JCAD: variants seen among roughly 807,000 people sequenced by gnomAD.
JCAD encodes the protein junctional cadherin 5-associated protein.
A neutral mutation model predicts 98.0 loss-of-function variants in JCAD; 40 were observed. That is an observed-to-expected ratio of 0.41 (90% confidence interval 0.32 to 0.53). The LOEUF (loss-of-function observed/expected upper bound fraction) is 0.53. Ranked by LOEUF, JCAD falls within the 20% of genes least tolerant of loss-of-function variation. JCAD has a pLI of 0.31. For missense variants in JCAD, 1,705 were observed against 1,738.1 expected, an observed-to-expected ratio of 0.98 and a Z score of 0.34; for synonymous variants, 691 against 682.3, an observed-to-expected ratio of 1.01 and a Z score of -0.20.
At chr10:30,025,740 T>C (rs1270705041) in intron 3 of JCAD, among the ~76,000 whole-genome samples, 1 of 151,366 alleles carries the variant, frequency 6.6e-6, no homozygotes. Context: ...AATTAAAAAA[T>C]TAGCTGGAAA....
At chr10:30,052,326 G>T (rs930236801) in intron 1 of JCAD, among the ~76,000 whole-genome samples, 1 of 152,210 alleles carries the variant, frequency 6.6e-6, no homozygotes, top group Non-Finnish European at 1.5e-5. Flanking sequence ...GGAGTAAAAT[G>T]AGAAGGCTGA....
chr10:30,028,998 C>T lies in JCAD; in HGVS notation c.1150G>A (p.Gly384Ser), dbSNP rs749970972. 9.3e-6 allele frequency: 15 copies of T among 1,613,780 alleles called. No individual in the cohort carries two copies. Among genetic ancestry groups the T allele is most frequent in the East Asian group, 2.2e-5 (1 of 44,888 alleles). ...QSPTEKAGAS[G>S]QPPSGPPGTG... ...CCAGGGGGGCCTGAAGGAGGCTGACCGCTGGCCCCAGCCTTCTCGGTCGGA... is the reference window on the plus strand; with the variant it reads ...CCAGGGGGGCCTGAAGGAGGCTGACTGCTGGCCCCAGCCTTCTCGGTCGGA... Residue 384 changes from glycine (G) to serine (S), a missense_variant, in exon 3 of 4, where the codon GGT becomes AGT. By Grantham distance (56) the Gly-to-Ser change is moderately conservative (BLOSUM62 0). Coordinates refer to ENST00000375377, the MANE Select transcript of JCAD (RefSeq NM_020848.4).
chr10:30,061,938 T>C (rs149956003), upstream of JCAD, among the ~76,000 whole-genome samples: 166 of 152,330 alleles, frequency 1.1e-3, 5 homozygotes, highest in African/African-American at 3.6e-3. Context: ...AGCCAAGTAT[T>C]CCTGCTAGAA....
intron 1 of JCAD, among the ~76,000 whole-genome samples, chr10:30,113,176 TC>T (rs1298319989): frequency 1.3e-5 from 2 of 151,796 alleles, no homozygotes; most frequent in African/African-American, 4.8e-5. Context: ...AATAGGAGGG[TC>T]AAAGAAAGCC....
In JCAD at chr10:30,055,164, A is replaced by G. The variant is rs574593098; in HGVS notation, c.-60+4318T>C. ...ATGTGCTGCTGAAGAAATCTAATAC[A>G]AGGTTACAACCAGCATTCTAAAAAG... On this transcript the variant is annotated intron_variant, in intron 1 of 3. Coordinates refer to ENST00000375377, the MANE Select transcript of JCAD (RefSeq NM_020848.4). Among the ~76,000 whole-genome samples, 4 of 152,290 alleles carry G rather than the reference A, an allele frequency of 2.6e-5. No individual in the cohort carries two copies. The South Asian group carries it at 6.2e-4, about 24-fold the overall frequency.
intron 2 of JCAD, among the ~76,000 whole-genome samples, chr10:30,065,547 G>C (rs533497841): frequency 6.6e-6 from 1 of 152,114 alleles, no homozygotes; most frequent in East Asian, 1.9e-4. Flanking sequence ...TGTCATTGAG[G>C]CTGGAGGGCA....
chr10:30,088,258 C>T (rs7069515), intron 1 of JCAD, among the ~76,000 whole-genome samples: 6,755 of 152,214 alleles, frequency 0.044, 388 homozygotes, highest in African/African-American at 0.14. Context: ...GATCCAGCTT[C>T]GAACTCCCAA....
intron 1 of JCAD, among the ~76,000 whole-genome samples, chr10:30,087,326 C>T (rs1838182636): frequency 6.6e-6 from 1 of 152,118 alleles, no homozygotes; most frequent in Non-Finnish European, 1.5e-5. Context: ...GTAATCCCAC[C>T]TACTCAGGAG....
intron 1 of JCAD, among the ~76,000 whole-genome samples, chr10:30,088,965 G>A (rs530092512): frequency 2.0e-5 from 3 of 152,266 alleles, no homozygotes; most frequent in East Asian, 1.9e-4. Context: ...GCGACAGAGC[G>A]AGATGCCATC....
At position 30,059,384 on chromosome 10, in the gene JCAD, G is replaced by A. The variant is rs1052555607; in HGVS notation, c.-60+98C>T. On this transcript the variant is annotated intron_variant, in intron 1 of 3. Transcript: ENST00000375377. This position sits in a 1 kb window ranked among gnomAD's most constrained non-coding sequence, Gnocchi z 5.0. ...GAGCGACGTCCCAGCTGGAGAAGTT[G>A]GGGGGAGTGCGGGAGGCTGCGGGTG... 1 of 151,652 alleles carries A rather than the reference G, an allele frequency of 6.6e-6. No individual in the cohort carries two copies. The highest frequency in any genetic ancestry group is 1.5e-5 in the Non-Finnish European group (1 of 68,020). 9.4% of individuals were successfully genotyped at this position (151,652 alleles called of 1,614,324 possible). A position where few individuals can be genotyped will look rare whatever the true frequency, so the allele number is the denominator to read the frequency against.
chr10:30,080,907 C>A (rs1838071080), intron 1 of JCAD, among the ~76,000 whole-genome samples: 1 of 152,240 alleles, frequency 6.6e-6, no homozygotes, highest in Non-Finnish European at 1.5e-5. Context: ...ATGTCTGCTA[C>A]CCAGATGGCC....
chr10:30,034,218 A>G (rs1041766143), intron 2 of JCAD, among the ~76,000 whole-genome samples: 4 of 150,230 alleles, frequency 2.7e-5, no homozygotes, highest in African/African-American at 1.0e-4. Flanking sequence ...GCAAGACTCC[A>G]TCTCAATAAT....
chr10:30,029,971 T>C, intron 2 of JCAD, 105 bp from the exon 3 acceptor site: 1 of 1,319,026 alleles, frequency 7.6e-7, no homozygotes, highest in Non-Finnish European at 1.0e-6. Flanking sequence ...CTTTGAAAAC[T>C]TGGTTCCCAG....
At chr10:30,102,335 C>T (rs1838486532) in intron 1 of JCAD, among the ~76,000 whole-genome samples, 1 of 151,914 alleles carries the variant, frequency 6.6e-6, no homozygotes. Flanking sequence ...CCATGTCCGG[C>T]TAATTTTTGT....
chr10:30,099,051 C>T (rs972377063), intron 1 of JCAD, among the ~76,000 whole-genome samples: 35 of 152,252 alleles, frequency 2.3e-4, no homozygotes, highest in Admixed American at 4.6e-4. Flanking sequence ...TTTTGAAATT[C>T]GTAGTTTATC....
Position 30,026,744 on chromosome 10 carries a change from G to A in JCAD, c.3404C>T (p.Ala1135Val). 1 of 1,614,160 alleles carries A rather than the reference G, an allele frequency of 6.2e-7. No individual in the cohort carries two copies. The highest frequency in any genetic ancestry group is 8.5e-7 in the Non-Finnish European group (1 of 1,180,022). The part of the protein sequence containing the change: ...QEELLSRPAP[A>V]DVPRVSTDAF... ...ATCAGTGGACACCCTGGGGACATCT[G>A]CCGGTGCTGGGCGAGATAGCAACTC... is the stretch of plus-strand genomic sequence containing the variant. The change falls in exon 3 of 4, where the codon GCA becomes GTA. Residue 1135 changes from alanine to valine, a missense_variant. By Grantham distance (64) the Ala-to-Val change is moderately conservative (BLOSUM62 0). This residue lies in a region of JCAD where 1,278 missense variants were observed against 1,243.1 expected (regional missense o/e 1.03). Transcript: ENST00000375377.
rs1837212849 is a variant in JCAD at position 30,040,198 on chromosome 10, ACTGTCATCACAAGACGCTG to A, written c.281+7315_281+7333del. On this transcript the variant is annotated intron_variant, in intron 2 of 3. Transcript: ENST00000375377. ...ATGCCAGGAAAGAGTGACGTAGCTG[ACTGTCATCACAAGACGCTG>A]CTCCTCCTGGGGATGGCTGGTCTCT... Among the ~76,000 whole-genome samples, 3 of 152,240 alleles carry A rather than the reference ACTGTCATCACAAGACGCTG, an allele frequency of 2.0e-5. No homozygotes were observed. In the South Asian group the frequency reaches 6.2e-4, roughly 32 times the overall value.
intron 1 of JCAD, among the ~76,000 whole-genome samples, chr10:30,049,220 G>A (rs1485605053): frequency 6.6e-6 from 1 of 152,148 alleles, no homozygotes; most frequent in Non-Finnish European, 1.5e-5. Context: ...CTGGGTGAGA[G>A]ACACACAAAA....
In JCAD at chr10:30,029,776, C is replaced by T. The variant is rs41284752; in HGVS notation, c.372G>A (p.Arg124=). The change falls in exon 3 of 4, where the codon AGG becomes AGA. Residue 124 remains arginine (R), a synonymous_variant. Transcript: ENST00000375377. ...AYRRRGRQEA[R]SQKPREHENL... Reference sequence around the variant, plus strand: ...TTTCGTGCTCCCTCGGCTTCTGGCTCCTGGCTTCTTGCCGTCCTCTTCTCC... The same window carrying T: ...TTTCGTGCTCCCTCGGCTTCTGGCTTCTGGCTTCTTGCCGTCCTCTTCTCC... 11,932 of 1,614,260 alleles carry T rather than the reference C, an allele frequency of 7.4e-3. 76 individuals are homozygous for T. Among genetic ancestry groups the T allele is most frequent in the Middle Eastern group, 0.011 (68 of 6,062 alleles).
Sources: allele counts gnomAD v4.1 joint callset (sites outside exome capture counted in the v4.1 genomes callset), GRCh38; gene constraint gnomAD v4.1.1; regional missense constraint gnomAD v4.1.1; non-coding constraint Gnocchi (gnomAD v3.1); transcripts MANE v1.5; gene names NCBI Gene and HGNC (gene_info 2026-07-23, HGNC 2026-07-21).